Variants in LSAMP observed in about 807,000 individuals in gnomAD.
The protein encoded by LSAMP is limbic system associated membrane protein.
Under a neutral mutation model 38.6 loss-of-function variants are expected in LSAMP, and 7 were observed. That is an observed-to-expected ratio of 0.18 (90% CI 0.10 to 0.34). The LOEUF is 0.34. Among genes scored for constraint, LSAMP ranks in the 10% least tolerant of loss-of-function variants. The pLI is 1.00. For synonymous variants in LSAMP, 154 were observed against 166.8 expected, an observed-to-expected ratio of 0.92 and a Z score of 0.59; for missense variants, 313 against 420.0, an observed-to-expected ratio of 0.75 and a Z score of 2.23.
intron 4 of LSAMP, among the ~76,000 whole-genome samples, chr3:115,851,624 CTGTGTGCCTATA>C (rs1198111055): frequency 6.6e-6 from 1 of 152,158 alleles, no homozygotes; most frequent in East Asian, 1.9e-4. Flanking sequence ...ACATGTATGC[CTGTGTGCCTATA>C]TGTGTGTATG....
intron 3 of LSAMP, among the ~76,000 whole-genome samples, chr3:115,896,987 C>T (rs1028390684): frequency 6.6e-6 from 1 of 152,092 alleles, no homozygotes; most frequent in African/African-American, 2.4e-5. Context: ...ATTCCCACTC[C>T]TTTCTTCTGT....
intron 3 of LSAMP, among the ~76,000 whole-genome samples, chr3:115,978,636 A>C (rs1044297789): frequency 6.6e-6 from 1 of 152,102 alleles, no homozygotes; most frequent in Non-Finnish European, 1.5e-5. Context: ...ATTACCTCCA[A>C]GGTAACAAAC....
intron 1 of LSAMP, among the ~76,000 whole-genome samples, chr3:116,216,416 G>C (rs931025313): frequency 2.6e-5 from 4 of 152,138 alleles, no homozygotes; most frequent in Non-Finnish European, 4.4e-5. Context: ...CTTGTTCTGA[G>C]CAGTGTACAT....
At chr3:116,149,898 C>T (rs961001098) in intron 1 of LSAMP, among the ~76,000 whole-genome samples, 4 of 152,056 alleles carry the variant, frequency 2.6e-5, no homozygotes, top group Admixed American at 6.6e-5. Flanking sequence ...TATCCTTACC[C>T]GTACCAAAAA....
At chr3:115,908,294 G>T (rs1386917173) in intron 3 of LSAMP, among the ~76,000 whole-genome samples, 1 of 151,814 alleles carries the variant, frequency 6.6e-6, no homozygotes, top group Admixed American at 6.6e-5. Context: ...CCAATCAAAT[G>T]ATTTTAGTTT....
At chr3:115,933,343 T>C (rs2107544567) in intron 3 of LSAMP, among the ~76,000 whole-genome samples, 1 of 152,216 alleles carries the variant, frequency 6.6e-6, no homozygotes, top group Middle Eastern at 3.4e-3. Flanking sequence ...TAAGTGGTAA[T>C]AATAGTGACA....
chr3:115,967,939 T>C (rs183301606), intron 3 of LSAMP, among the ~76,000 whole-genome samples: 3 of 152,182 alleles, frequency 2.0e-5, no homozygotes, highest in Admixed American at 2.0e-4. Flanking sequence ...ACCTCCCTTT[T>C]TCCCAAGCAG....
intron 1 of LSAMP, among the ~76,000 whole-genome samples, chr3:116,395,418 G>A (rs1218581305): frequency 6.6e-6 from 1 of 152,204 alleles, no homozygotes; most frequent in Non-Finnish European, 1.5e-5. Context: ...GACAGGATTT[G>A]ATAGTGTTTG....
chr3:115,864,432 C>T (rs1378172100), intron 3 of LSAMP, among the ~76,000 whole-genome samples: 2 of 152,202 alleles, frequency 1.3e-5, no homozygotes, highest in East Asian at 3.9e-4. Flanking sequence ...TAATAGCCTG[C>T]TCACATTGGT....
At chr3:116,241,791 T>C (rs2046538563) in intron 1 of LSAMP, among the ~76,000 whole-genome samples, 1 of 152,214 alleles carries the variant, frequency 6.6e-6, no homozygotes, top group African/African-American at 2.4e-5. Context: ...ATTCTCATGT[T>C]GTAGAAGCAT....
intron 1 of LSAMP, among the ~76,000 whole-genome samples, chr3:116,175,593 A>G (rs1036153862): frequency 1.3e-5 from 2 of 152,104 alleles, no homozygotes; most frequent in Admixed American, 1.3e-4. Flanking sequence ...ATAAACATTG[A>G]TTCAATGTAG....
intron 1 of LSAMP, among the ~76,000 whole-genome samples, chr3:116,184,336 G>A (rs1028712589): frequency 5.9e-5 from 9 of 152,030 alleles, no homozygotes; most frequent in Middle Eastern, 3.4e-3. Flanking sequence ...CTCTTACTAA[G>A]TGGAAAGACA....
chr3:115,832,465 C>CA (rs1319291440), intron 6 of LSAMP, among the ~76,000 whole-genome samples: 4 of 152,132 alleles, frequency 2.6e-5, no homozygotes, highest in African/African-American at 9.7e-5. Flanking sequence ...CACAGTGAGG[C>CA]ATGCTTCTCA....
chr3:116,206,357 C>A (rs2046069858), intron 1 of LSAMP, among the ~76,000 whole-genome samples: 1 of 150,910 alleles, frequency 6.6e-6, no homozygotes, highest in Non-Finnish European at 1.5e-5. Flanking sequence ...AAAACCAGCT[C>A]CTGGATTCAT....
chr3:116,338,100 C>T (rs1481227074), intron 1 of LSAMP, among the ~76,000 whole-genome samples: 1 of 151,978 alleles, frequency 6.6e-6, no homozygotes, highest in Admixed American at 6.6e-5. Context: ...GTTTTACCTA[C>T]CTTTTCCAAA....
At chr3:116,235,041 T>A (rs1400749412) in intron 1 of LSAMP, among the ~76,000 whole-genome samples, 1 of 152,210 alleles carries the variant, frequency 6.6e-6, no homozygotes, top group East Asian at 1.9e-4. Flanking sequence ...GAAAAAATAT[T>A]CTAAAAGACA....
chr3:116,237,951 T>C (rs1462339704), intron 1 of LSAMP, among the ~76,000 whole-genome samples: 1 of 152,194 alleles, frequency 6.6e-6, no homozygotes, highest in Non-Finnish European at 1.5e-5. Flanking sequence ...TAATTCTTTA[T>C]TGCGAAGGAC....
At chr3:116,274,954 CAAAA>C (rs10662824) in intron 1 of LSAMP, among the ~76,000 whole-genome samples, 1 of 136,292 alleles carries the variant, frequency 7.3e-6, no homozygotes. Context: ...TAAAAATAGC[CAAAA>C]AAAAAAAAAA....
intron 1 of LSAMP, among the ~76,000 whole-genome samples, chr3:116,326,158 A>T (rs2047769423): frequency 6.6e-6 from 1 of 152,110 alleles, no homozygotes; most frequent in Non-Finnish European, 1.5e-5. Context: ...TAATTCAATC[A>T]TTAAGATGAA....
Sources: gnomAD v4.1 joint callset for allele counts (sites outside exome capture counted in the v4.1 genomes callset) on GRCh38, gnomAD v4.1.1 for gene constraint, MANE v1.5 for transcripts, NCBI Gene and HGNC (gene_info 2026-07-23, HGNC 2026-07-21) for gene names.